The following DNAAF1 variants were observed in gnomAD, a reference collection of about 807,000 sequenced individuals.
The protein encoded by DNAAF1 is dynein assembly factor 1, axonemal.
DNAAF1 carries 65 observed loss-of-function variants against 71.1 expected under a neutral mutation model. The observed-to-expected ratio is 0.91, with a 90% CI of 0.75 to 1.12. DNAAF1 has a LOEUF of 1.12. Ranked by LOEUF, DNAAF1 falls within the 50% of genes most tolerant of loss-of-function variation. The pLI is 0.00. For missense variants in DNAAF1, 1,178 were observed against 899.8 expected, an observed-to-expected ratio of 1.31 and a Z score of -3.96; for synonymous variants, 414 against 354.6, an observed-to-expected ratio of 1.17 and a Z score of -1.88.
rs749023688 is a variant in DNAAF1, at chr16:84,177,884, G to A, written c.*43G>A. The A allele has an allele frequency of 4.7e-6, 7 of 1,492,750 alleles. No homozygotes were observed. In the African/African-American group the frequency reaches 5.5e-5, roughly 12 times the overall value. 92.5% of individuals were successfully genotyped at this position (1,492,750 alleles called of 1,614,324 possible). On this transcript the variant is annotated 3_prime_UTR_variant, in exon 12 of 12. Coordinates refer to ENST00000378553, the MANE Select transcript of DNAAF1 (RefSeq NM_178452.6). ...TAGCATAAATGGTTTAATCATAAAT[G>A]TCTCCCTTAGGCATGATAAACATTT...
rs1296734906 is a variant in DNAAF1, at chr16:84,145,826, C to T, written c.124+262C>T. On this transcript the variant is annotated intron_variant, in intron 1 of 11. Transcript: ENST00000378553. ...GAAGAGACTTGGCCGGGTGCGGTGG[C>T]TCAACGCCTGTAATTCCAGCACTTT... Among the ~76,000 whole-genome samples the T allele has an allele frequency of 9.9e-5, 15 of 152,196 alleles. No homozygotes were observed. In the East Asian group the frequency reaches 2.7e-3, roughly 27 times the overall value.
chr16:84,169,566 C>T (rs1234011540), intron 7 of DNAAF1, among the ~76,000 whole-genome samples: 15 of 152,028 alleles, frequency 9.9e-5, no homozygotes, highest in African/African-American at 2.9e-4. Flanking sequence ...GCTACAGGCA[C>T]GTGCCACCAC....
At position 84,169,866 on chromosome 16, in the gene DNAAF1, G is replaced by A; in HGVS notation, c.1038G>A (p.Met346Ile). 6.2e-7 allele frequency: 1 copy of A among 1,613,732 alleles called. No homozygotes were observed. Among genetic ancestry groups the A allele is most frequent in the Non-Finnish European group, 8.5e-7 (1 of 1,180,048 alleles). Residue 346 changes from methionine to isoleucine, a missense_variant, in exon 8 of 12, where the codon ATG (methionine) becomes ATA (isoleucine). By Grantham distance (10) the Met-to-Ile change is conservative (BLOSUM62 1). Coordinates refer to ENST00000378553, the MANE Select transcript of DNAAF1 (RefSeq NM_178452.6). ...RQRESQERGE[M>I]TSSDDGENVP... ...TGCATTTTCTGCCATTAGGGGAGAT[G>A]ACATCTTCAGATGATGGTGAGAATG...
chr16:84,149,113 A>C lies in DNAAF1; in HGVS notation c.231A>C (p.Pro77=). The change falls in exon 2 of 12, where the codon CCA becomes CCC. Residue 77 remains proline, a synonymous_variant. Transcript: ENST00000378553. ...DNGSGGHFAH[P]REDREDRGPR... Reference sequence around the variant, plus strand: ...GGTCAGGTGGTCACTTCGCACACCCAAGAGAAGACAGGGAAGATCGGGGCC... The same window carrying C: ...GGTCAGGTGGTCACTTCGCACACCCCAGAGAAGACAGGGAAGATCGGGGCC... 3.7e-6 allele frequency: 6 copies of C among 1,614,154 alleles called. No individual in the cohort carries two copies. Among genetic ancestry groups the C allele is most frequent in the Non-Finnish European group, 5.1e-6 (6 of 1,180,036 alleles).
chr16:84,146,792 A>G (rs1325384766), intron 1 of DNAAF1, among the ~76,000 whole-genome samples: 1 of 152,156 alleles, frequency 6.6e-6, no homozygotes, highest in Non-Finnish European at 1.5e-5. Flanking sequence ...TTCTGCTCCC[A>G]CTAGACTTGG....
Position 84,154,826 on chromosome 16 carries a change from T to A in DNAAF1, c.574+28T>A, listed in dbSNP as rs766544501. On this transcript the variant is annotated intron_variant, in intron 4 of 11. Coordinates refer to ENST00000378553, the MANE Select transcript of DNAAF1 (RefSeq NM_178452.6). The stretch of plus-strand genomic sequence containing the variant: ...AAGGGTACCCAGCAAGCAGTGTGTC[T>A]GTTTGCCATATGTCCATCACCTTCC... 8 of 1,556,758 alleles carry A rather than the reference T, an allele frequency of 5.1e-6. No homozygotes were observed. In the East Asian group the frequency reaches 1.3e-4, roughly 26 times the overall value.
rs1429140945 is a variant in DNAAF1 at position 84,154,621 on chromosome 16, T to G, written c.397T>G (p.Cys133Gly). The change falls in exon 4 of 12, where the codon TGT becomes GGT. Residue 133 changes from cysteine (C) to glycine (G), a missense_variant. Cys to Gly is a radical substitution (Grantham distance 159). Transcript: ENST00000378553. ...CCTGGAAGAGTACACAGGGCTGCGC[T>G]GTCTCTGGCTGCAGAGCAATGGAAT... ...ENLEEYTGLR[C>G]LWLQSNGIQK... is the part of the protein sequence containing the mutation. 4 of 1,614,092 alleles carry G rather than the reference T, an allele frequency of 2.5e-6. No homozygotes were observed. In the African/African-American group the frequency reaches 5.3e-5, roughly 22 times the overall value.
At position 84,149,043 on chromosome 16, in the gene DNAAF1, C is replaced by T. The variant is rs2087059372; in HGVS notation, c.161C>T (p.Ser54Phe). Residue 54 changes from serine to phenylalanine, a missense_variant, in exon 2 of 12, where the codon TCT (serine) becomes TTT (phenylalanine). Coordinates refer to ENST00000378553, the MANE Select transcript of DNAAF1 (RefSeq NM_178452.6). ...NDPKEICVGS[S>F]DTSYHSQQKQ... ...CCTAAGGAAATATGTGTGGGTTCTT[C>T]TGACACATCCTACCACAGCCAGCAG... The T allele has an allele frequency of 6.2e-7, 1 of 1,614,078 alleles. No homozygotes were observed. The highest frequency in any genetic ancestry group is 8.5e-7 in the Non-Finnish European group (1 of 1,180,024).
chr16:84,175,960 A>C lies in DNAAF1; in HGVS notation c.1726A>C (p.Ile576Leu). The C allele has an allele frequency of 6.2e-7, 1 of 1,614,180 alleles. No homozygotes were observed. The highest frequency in any genetic ancestry group is 8.5e-7 in the Non-Finnish European group (1 of 1,180,034). The change falls in exon 11 of 12, where the codon ATC becomes CTC. Residue 576 changes from isoleucine to leucine, a missense_variant. Ile to Leu is a conservative substitution (Grantham distance 5). Transcript: ENST00000378553. Reference sequence around the variant, plus strand: ...TATGTGCTTTCCGAAGATTGAGGTCATCTCGAGCTTGAGTGATGACAGTGA... The same window carrying C: ...TATGTGCTTTCCGAAGATTGAGGTCCTCTCGAGCTTGAGTGATGACAGTGA... ...QNMCFPKIEV[I>L]SSLSDDSDPE...
intron 4 of DNAAF1, 39 bp downstream of exon 4, chr16:84,154,837 T>C (rs752455514): frequency 1.3e-6 from 2 of 1,481,668 alleles, no homozygotes; most frequent in Non-Finnish European, 9.4e-7. Context: ...GTTTGCCATA[T>C]GTCCATCACC....
chr16:84,152,332 G>A (rs1183491122), intron 3 of DNAAF1, among the ~76,000 whole-genome samples: 1 of 152,134 alleles, frequency 6.6e-6, no homozygotes, highest in Non-Finnish European at 1.5e-5. Flanking sequence ...AAGAAAGAGA[G>A]AGAGACATAC....
intron 4 of DNAAF1, 103 bp downstream of exon 4, chr16:84,154,901 T>A: frequency 9.3e-7 from 1 of 1,070,350 alleles, no homozygotes; most frequent in Non-Finnish European, 1.4e-6. Context: ...GTGGTGTTTT[T>A]TTTTGTCTTT....
chr16:84,157,729 A>C (rs1353139874), intron 5 of DNAAF1, among the ~76,000 whole-genome samples: 7 of 152,156 alleles, frequency 4.6e-5, no homozygotes, highest in African/African-American at 1.7e-4. Context: ...CATGGAGAAA[A>C]GTGAGTCAAC....
At chr16:84,169,507 C>T (rs572351955) in intron 7 of DNAAF1, among the ~76,000 whole-genome samples, 2 of 151,610 alleles carry the variant, frequency 1.3e-5, no homozygotes, top group South Asian at 2.1e-4. Flanking sequence ...GCAGCCTCCA[C>T]CTCCCAGGTT....
At chr16:84,153,234 T>C (rs1466239903) in intron 3 of DNAAF1, among the ~76,000 whole-genome samples, 2 of 152,134 alleles carry the variant, frequency 1.3e-5, no homozygotes, top group African/African-American at 4.8e-5. Context: ...ATAAAAATTT[T>C]TGTGGAGAGG....
chr16:84,155,160 G>T lies in DNAAF1; in HGVS notation c.574+362G>T, dbSNP rs140717228. Among the ~76,000 whole-genome samples, 1,128 of 152,230 alleles carry T rather than the reference G, an allele frequency of 7.4e-3. 17 individuals carry two copies. Among genetic ancestry groups the T allele is most frequent in the African/African-American group, 0.026 (1,076 of 41,538 alleles). ...CCTGACCTCGTGATCCGCCCGCCTT[G>T]GCCTCCCAAAGTGCTGGGATTACAG... On this transcript the variant is annotated intron_variant, in intron 4 of 11. Transcript: ENST00000378553.
intron 9 of DNAAF1, 57 bp downstream of exon 9, chr16:84,172,432 G>A (rs2088413207): frequency 1.3e-6 from 2 of 1,595,234 alleles, no homozygotes; most frequent in Non-Finnish European, 1.7e-6. Context: ...AGTAAAATAG[G>A]TAATCAGATG....
Position 84,154,564 on chromosome 16 carries a change from TC to T in DNAAF1, c.353-11del. On this transcript the variant is annotated splice_polypyrimidine_tract_variant and intron_variant, in intron 3 of 11. Transcript: ENST00000378553. ...AGTAGGAGCTTAATTCCCACGTGCT[TC>T]CTTTTTGTTAGGTTTTGATCGCATT... 6.2e-7 allele frequency: 1 copy of T among 1,613,372 alleles called. No individual in the cohort carries two copies. The highest frequency in any genetic ancestry group is 8.5e-7 in the Non-Finnish European group (1 of 1,179,664).
At chr16:84,158,196 C>G (rs949537508) in intron 5 of DNAAF1, among the ~76,000 whole-genome samples, 1 of 152,018 alleles carries the variant, frequency 6.6e-6, no homozygotes, top group South Asian at 2.1e-4. Context: ...CAGGCAGAGT[C>G]TGGCTCTGTC....
Sources: allele counts gnomAD v4.1 joint callset (sites outside exome capture counted in the v4.1 genomes callset), GRCh38; gene constraint gnomAD v4.1.1; transcripts MANE v1.5; gene names NCBI Gene and HGNC (gene_info 2026-07-23, HGNC 2026-07-21).